The following SP140L variants were observed in gnomAD, a reference collection of about 807,000 sequenced individuals.
SP140L encodes SP140 like nuclear body protein.
Under a neutral mutation model 84.3 loss-of-function variants are expected in SP140L, and 64 were observed. The ratio of observed to expected loss-of-function variants is 0.76; its 90% CI spans 0.62 to 0.94. The LOEUF is 0.94. Ranked by LOEUF, SP140L falls within the 40% of genes least tolerant of loss-of-function variation. SP140L has a pLI of 0.00. For synonymous variants in SP140L, 242 were observed against 236.9 expected, an observed-to-expected ratio of 1.02 and a Z score of -0.20; for missense variants, 628 against 692.5, an observed-to-expected ratio of 0.91 and a Z score of 1.05.
intron 2 of SP140L, among the ~76,000 whole-genome samples, chr2:230,347,858 G>T (rs1300042572): frequency 1.3e-5 from 2 of 152,184 alleles, no homozygotes; most frequent in Admixed American, 1.3e-4. Flanking sequence ...CTCTGCAGTT[G>T]GGCAGAGCTG....
intron 9 of SP140L, among the ~76,000 whole-genome samples, chr2:230,387,258 T>C (rs990197287): frequency 2.0e-5 from 3 of 152,298 alleles, no homozygotes; most frequent in African/African-American, 7.2e-5. Flanking sequence ...CCTATACAAG[T>C]TTATTAAACT....
chr2:230,337,802 T>C (rs2059921435), intron 2 of SP140L, among the ~76,000 whole-genome samples: 1 of 152,118 alleles, frequency 6.6e-6, no homozygotes, highest in African/African-American at 2.4e-5. Context: ...ATCAGATAGT[T>C]GTAGATACGC....
chr2:230,332,161 A>G (rs530423903), intron 2 of SP140L, among the ~76,000 whole-genome samples: 1 of 152,342 alleles, frequency 6.6e-6, no homozygotes, highest in East Asian at 1.9e-4. Flanking sequence ...GACCATGTAT[A>G]GGATATTTAT....
intron 2 of SP140L, among the ~76,000 whole-genome samples, chr2:230,332,210 A>G (rs2059743715): frequency 6.6e-6 from 1 of 152,208 alleles, no homozygotes; most frequent in Non-Finnish European, 1.5e-5. Flanking sequence ...TCATCATATC[A>G]TTTTACTTTT....
intron 12 of SP140L, 147 bp downstream of exon 12, chr2:230,392,376 C>A: frequency 8.0e-7 from 1 of 1,256,460 alleles, no homozygotes; most frequent in Non-Finnish European, 1.1e-6. Flanking sequence ...GAGAGGGACC[C>A]CATATCCATA....
At chr2:230,389,698 T>C (rs1386264605) in intron 10 of SP140L, among the ~76,000 whole-genome samples, 1 of 152,210 alleles carries the variant, frequency 6.6e-6, no homozygotes, top group Non-Finnish European at 1.5e-5. Flanking sequence ...ATTTCTCTGA[T>C]AAAGCATTCA....
chr2:230,365,279 C>T (rs1029448764), intron 5 of SP140L, among the ~76,000 whole-genome samples: 14 of 151,976 alleles, frequency 9.2e-5, no homozygotes, highest in African/African-American at 3.4e-4. Context: ...CCATCTGGTC[C>T]TGGGCTTTTG....
At chr2:230,393,128 G>T (rs1212667734) in intron 12 of SP140L, among the ~76,000 whole-genome samples, 1 of 152,102 alleles carries the variant, frequency 6.6e-6, no homozygotes, top group East Asian at 1.9e-4. Flanking sequence ...TGGTGCAACT[G>T]GAAAAGAAGT....
At chr2:230,392,349 T>C in intron 12 of SP140L, 120 bp downstream of exon 12, 1 of 1,470,792 alleles carries the variant, frequency 6.8e-7, no homozygotes, top group Non-Finnish European at 9.2e-7. Context: ...CCAGTGAGTT[T>C]ATCCTCTCAC....
intron 14 of SP140L, among the ~76,000 whole-genome samples, chr2:230,398,995 C>T (rs1243888777): frequency 2.0e-5 from 3 of 152,196 alleles, no homozygotes; most frequent in Non-Finnish European, 4.4e-5. Context: ...GCAGAGCCGG[C>T]GGAGGACTTG....
rs1313707840 is a variant in SP140L at position 230,342,382 on chromosome 2, G to A, written c.107+13551G>A. 5.9e-5 allele frequency among the ~76,000 whole-genome samples: 9 copies of A among 152,144 alleles called. No homozygotes were observed. In the South Asian group the frequency reaches 1.0e-3, roughly 18 times the overall value. On this transcript the variant is annotated intron_variant, in intron 2 of 18. Transcript: ENST00000415673. Reference sequence around the variant, plus strand: ...ACGGTGCGTGCACCCACTGACCTGCGCCCACTGTCTGGCACTCTCTAGTGA... The same window carrying A: ...ACGGTGCGTGCACCCACTGACCTGCACCCACTGTCTGGCACTCTCTAGTGA...
intron 2 of SP140L, among the ~76,000 whole-genome samples, chr2:230,332,371 A>C (rs879939268): frequency 2.0e-5 from 3 of 152,202 alleles, no homozygotes; most frequent in Non-Finnish European, 4.4e-5. Context: ...TTAACCTTTT[A>C]GCTCTTCCTT....
intron 14 of SP140L, 117 bp downstream of exon 14, chr2:230,396,915 G>T: frequency 7.8e-7 from 1 of 1,287,098 alleles, no homozygotes; most frequent in South Asian, 1.4e-5. Flanking sequence ...GGAGTATGTG[G>T]CTGTGTGAAT....
intron 2 of SP140L, among the ~76,000 whole-genome samples, chr2:230,345,396 C>T (rs2060177300): frequency 6.6e-6 from 1 of 152,130 alleles, no homozygotes; most frequent in Non-Finnish European, 1.5e-5. Flanking sequence ...GTTCTTAAAC[C>T]TACCATGAGT....
chr2:230,344,129 C>G (rs1208918693), intron 2 of SP140L, among the ~76,000 whole-genome samples: 2 of 152,134 alleles, frequency 1.3e-5, no homozygotes, highest in African/African-American at 2.4e-5. Flanking sequence ...GTGGTAAAGT[C>G]TCACACTATT....
intron 2 of SP140L, among the ~76,000 whole-genome samples, chr2:230,337,009 A>AT (rs1297047879): frequency 6.6e-6 from 1 of 152,146 alleles, no homozygotes; most frequent in African/African-American, 2.4e-5. Flanking sequence ...AGACTAGGTA[A>AT]TTTATAAAGA....
chr2:230,402,200 C>T lies in SP140L; in HGVS notation c.1644+393C>T, dbSNP rs573503572. On this transcript the variant is annotated intron_variant, in intron 18 of 18. Coordinates refer to ENST00000415673, the MANE Select transcript of SP140L (RefSeq NM_138402.6). ...TTCTTTGCATGTGAATAGACCATAT[C>T]CCAACAAGGATTGCCAGCAAGGAGT... Among the ~76,000 whole-genome samples, 29 of 152,236 alleles carry T rather than the reference C, an allele frequency of 1.9e-4. No individual in the cohort carries two copies. In the East Asian group the frequency reaches 5.6e-3, roughly 29 times the overall value.
At chr2:230,334,495 C>T (rs985353502) in intron 2 of SP140L, among the ~76,000 whole-genome samples, 1 of 152,126 alleles carries the variant, frequency 6.6e-6, no homozygotes, top group African/African-American at 2.4e-5. Context: ...ATACATAGAT[C>T]GATTATCTAA....
At chr2:230,354,855 A>AAG (rs1286761505) in intron 2 of SP140L, among the ~76,000 whole-genome samples, 4 of 93,258 alleles carry the variant, frequency 4.3e-5, no homozygotes, top group African/African-American at 7.6e-5. Flanking sequence ...AAAGGAAAGA[A>AAG]AGAAAGAAAG....
Sources: gnomAD v4.1 joint callset for allele counts (sites outside exome capture counted in the v4.1 genomes callset) on GRCh38, gnomAD v4.1.1 for gene constraint, MANE v1.5 for transcripts, NCBI Gene and HGNC (gene_info 2026-07-23, HGNC 2026-07-21) for gene names.